The following TMEM163 variants were observed in gnomAD, a reference collection of about 807,000 sequenced individuals.
The protein encoded by TMEM163 is transmembrane protein 163.
A neutral mutation model predicts 29.3 loss-of-function variants in TMEM163; 17 were observed. The observed-to-expected ratio is 0.58, with a 90% CI of 0.40 to 0.87. The LOEUF (loss-of-function observed/expected upper bound fraction) is 0.87, where lower values mean the gene tolerates loss of function less well. TMEM163 is among the 40% of genes least tolerant of loss of function. TMEM163 has a pLI of 0.00. For synonymous variants in TMEM163, 157 were observed against 160.6 expected (o/e 0.98, Z 0.17); for missense variants, 303 against 381.5 (o/e 0.79, Z 1.71).
In TMEM163 at chr2:134,456,495, A is replaced by G; in HGVS notation, c.*221T>C. ...CGCCAGTCCCAGCTGGAGACGGGGAAGGAGGTCCATTCCTATGGGCATTGT... is the reference window on the plus strand; with the variant it reads ...CGCCAGTCCCAGCTGGAGACGGGGAGGGAGGTCCATTCCTATGGGCATTGT... On this transcript the variant is annotated 3_prime_UTR_variant, in exon 8 of 8. Coordinates refer to ENST00000281924, the MANE Select transcript of TMEM163 (RefSeq NM_030923.5). 1 of 574,464 alleles carries G rather than the reference A, an allele frequency of 1.7e-6. No individual in the cohort carries two copies. Among genetic ancestry groups the G allele is most frequent in the Non-Finnish European group, 3.1e-6 (1 of 319,678 alleles). The allele number at this position is 574,464 out of a possible 1,614,324, so 35.6% of individuals were successfully genotyped here.
At chr2:134,475,074 C>A (rs1380429057) in intron 5 of TMEM163, among the ~76,000 whole-genome samples, 2 of 152,088 alleles carry the variant, frequency 1.3e-5, no homozygotes, top group Non-Finnish European at 1.5e-5. Flanking sequence ...TTACACAAGG[C>A]CTTTCCTTAT....
chr2:134,604,238 A>G (rs1574273728), intron 2 of TMEM163, among the ~76,000 whole-genome samples: 1 of 152,218 alleles, frequency 6.6e-6, no homozygotes, highest in African/African-American at 2.4e-5. Flanking sequence ...AGCACTGTTT[A>G]CAATACAGGG....
intron 4 of TMEM163, among the ~76,000 whole-genome samples, chr2:134,540,326 C>T (rs895035672): frequency 9.9e-5 from 15 of 152,254 alleles, no homozygotes; most frequent in African/African-American, 3.6e-4. Flanking sequence ...ACCAACCTGG[C>T]CCCTAGACTG....
intron 2 of TMEM163, among the ~76,000 whole-genome samples, chr2:134,709,910 C>G (rs1053500010): frequency 6.6e-6 from 1 of 152,204 alleles, no homozygotes; most frequent in African/African-American, 2.4e-5. Context: ...CTCTATAACC[C>G]CTTATCATCA....
chr2:134,504,169 G>A (rs1299679502), intron 4 of TMEM163, among the ~76,000 whole-genome samples: 1 of 152,176 alleles, frequency 6.6e-6, no homozygotes, highest in African/African-American at 2.4e-5. Flanking sequence ...TTATAACCCA[G>A]TAAACCTGTG....
At chr2:134,618,189 C>G (rs1682653262) in intron 2 of TMEM163, among the ~76,000 whole-genome samples, 1 of 151,844 alleles carries the variant, frequency 6.6e-6, no homozygotes, top group African/African-American at 2.4e-5. Flanking sequence ...TTCAAATGTA[C>G]AATTAGGTTT....
chr2:134,465,425 C>T (rs564663060), intron 6 of TMEM163, among the ~76,000 whole-genome samples: 6 of 152,346 alleles, frequency 3.9e-5, no homozygotes, highest in South Asian at 4.1e-4. Flanking sequence ...GGGCTCCGCA[C>T]ATGCCCAGGA....
At chr2:134,522,613 T>C (rs1164653859) in intron 4 of TMEM163, among the ~76,000 whole-genome samples, 1 of 152,250 alleles carries the variant, frequency 6.6e-6, no homozygotes, top group Non-Finnish European at 1.5e-5. Flanking sequence ...CCATAGTGGC[T>C]TCACCAACTG....
rs78513112 is a variant in TMEM163 at position 134,532,963 on chromosome 2, C to T, written c.458+17607G>A. 3.4e-4 allele frequency among the ~76,000 whole-genome samples: 52 copies of T among 152,268 alleles called. 1 individual carries two copies. In the East Asian group the frequency reaches 7.5e-3, roughly 22 times the overall value. On this transcript the variant is annotated intron_variant, in intron 4 of 7. Transcript: ENST00000281924. ...ATGCACACCCTTACCAACAAACCAG[C>T]CTTCATTCTCATTCAGAATATGTGT...
intron 4 of TMEM163, among the ~76,000 whole-genome samples, chr2:134,510,793 C>T (rs972827755): frequency 2.0e-5 from 3 of 152,136 alleles, no homozygotes; most frequent in Non-Finnish European, 2.9e-5. Flanking sequence ...CCTGAGAGGC[C>T]TCTTCCCGGC....
intron 2 of TMEM163, among the ~76,000 whole-genome samples, chr2:134,606,605 G>A (rs1051269716): frequency 6.6e-6 from 1 of 152,196 alleles, no homozygotes; most frequent in African/African-American, 2.4e-5. Context: ...GCTGCGCGAA[G>A]ACAGGGGCTG....
intron 5 of TMEM163, among the ~76,000 whole-genome samples, chr2:134,478,078 T>C (rs1424988379): frequency 1.3e-5 from 2 of 152,182 alleles, no homozygotes; most frequent in Non-Finnish European, 2.9e-5. Flanking sequence ...TTCCCACTCT[T>C]GCTACTGCTC....
Position 134,718,883 on chromosome 2 carries a change from G to C in TMEM163, c.53C>G (p.Pro18Arg). ...QRRSSQGPTV[P>R]PPPRGHAPPA... is the part of the protein sequence containing the mutation. ...TGGCGCGTGGCCCCGGGGCGGCGGC[G>C]GGACGGTGGGCCCCTGGGAGCTGCG... Residue 18 changes from proline (P) to arginine (R), a missense_variant, in exon 1 of 8, where the codon CCG (proline) becomes CGG (arginine). This residue lies in a region of TMEM163 where 100 missense variants were observed against 87.2 expected (regional missense o/e 1.15). Coordinates refer to ENST00000281924, the MANE Select transcript of TMEM163 (RefSeq NM_030923.5). The C allele has an allele frequency of 1.8e-6, 2 of 1,097,226 alleles. No homozygotes were observed. The highest frequency in any genetic ancestry group is 2.2e-6 in the Non-Finnish European group (2 of 903,096). The allele number at this position is 1,097,226 out of a possible 1,614,324, so 68.0% of individuals were successfully genotyped here.
At chr2:134,515,577 T>C (rs911921562) in intron 4 of TMEM163, among the ~76,000 whole-genome samples, 1 of 152,210 alleles carries the variant, frequency 6.6e-6, no homozygotes, top group Admixed American at 6.5e-5. Flanking sequence ...ATGTTCACAG[T>C]AGTGTTATTT....
At chr2:134,659,755 C>T (rs1362105955) in intron 2 of TMEM163, among the ~76,000 whole-genome samples, 1 of 152,134 alleles carries the variant, frequency 6.6e-6, no homozygotes, top group Non-Finnish European at 1.5e-5. Context: ...GCCTGGGCAA[C>T]AAAGAGAGAT....
chr2:134,674,585 C>G (rs1369428877), intron 2 of TMEM163, among the ~76,000 whole-genome samples: 1 of 151,628 alleles, frequency 6.6e-6, no homozygotes, highest in Non-Finnish European at 1.5e-5. Context: ...GTCTCAATCT[C>G]CTGACTTCGT....
chr2:134,587,598 G>T (rs553352722), intron 2 of TMEM163, among the ~76,000 whole-genome samples: 12 of 152,278 alleles, frequency 7.9e-5, no homozygotes, highest in South Asian at 2.1e-4. Context: ...CAATCACACA[G>T]TCAGGGCATC....
chr2:134,650,098 T>C (rs959767851), intron 2 of TMEM163, among the ~76,000 whole-genome samples: 79 of 150,074 alleles, frequency 5.3e-4, no homozygotes, highest in Non-Finnish European at 1.0e-3. Flanking sequence ...AAATGGAAGG[T>C]ATAGGGCAAT....
rs780637049 is a variant in TMEM163, at chr2:134,713,155, G to T, written c.322+45C>A. On this transcript the variant is annotated intron_variant, in intron 2 of 7. Transcript: ENST00000281924. ...TCCCACAGGAATTAGAGAATAAAAC[G>T]GGCAACAGCAGCACATATTGGCCGA... The T allele has an allele frequency of 7.6e-6, 12 of 1,588,744 alleles. No homozygotes were observed. In the African/African-American group the frequency reaches 1.5e-4, roughly 20 times the overall value.
Sources: allele counts gnomAD v4.1 joint callset (sites outside exome capture counted in the v4.1 genomes callset), GRCh38; gene constraint gnomAD v4.1.1; regional missense constraint gnomAD v4.1.1; transcripts MANE v1.5; gene names NCBI Gene and HGNC (gene_info 2026-07-23, HGNC 2026-07-21).